The following TPST2 variants were observed in gnomAD, a reference collection of about 807,000 sequenced individuals.
The protein encoded by TPST2 is protein-tyrosine sulfotransferase 2.
Under a neutral mutation model 27.8 loss-of-function variants are expected in TPST2, and 16 were observed. That is an observed-to-expected ratio of 0.58 (90% CI 0.39 to 0.88). The LOEUF is 0.88. TPST2 is among the 40% of genes least tolerant of loss of function. The pLI is 0.00. For synonymous variants in TPST2, 229 were observed against 231.7 expected (o/e 0.99, Z 0.10); for missense variants, 464 against 543.1 (o/e 0.85, Z 1.45).
rs771964247 is a variant in TPST2, at chr22:26,535,183, G to A, written c.1041+1105C>T. The stretch of plus-strand genomic sequence containing the variant: ...TTCTTGAGCCAACTGAAGAGTTACG[G>A]AACTAAGAGACGATTAACTTTTTTC... On this transcript the variant is annotated intron_variant, in intron 4 of 6. Coordinates refer to ENST00000338754, the MANE Select transcript of TPST2 (RefSeq NM_003595.5). 2.6e-5 allele frequency among the ~76,000 whole-genome samples: 4 copies of A among 152,324 alleles called. No homozygotes were observed. In the South Asian group the frequency reaches 8.3e-4, roughly 32 times the overall value.
In TPST2 at chr22:26,526,109, G is replaced by A. The variant is rs1338034296; in HGVS notation, c.*166C>T. The A allele has an allele frequency of 6.6e-6, 1 of 152,206 alleles. No homozygotes were observed. The highest frequency in any genetic ancestry group is 1.5e-5 in the Non-Finnish European group (1 of 68,044). 9.4% of individuals were successfully genotyped at this position (152,206 alleles called of 1,614,324 possible). A position where few individuals can be genotyped will look rare whatever the true frequency, so the allele number is the denominator to read the frequency against. Reference sequence around the variant, plus strand: ...CCAGAGATAGAGAGTTTCAAGGTACGTTTTCAATGATTCAGCTTTTGCAAA... The same window carrying A: ...CCAGAGATAGAGAGTTTCAAGGTACATTTTCAATGATTCAGCTTTTGCAAA... On this transcript the variant is annotated 3_prime_UTR_variant, in exon 7 of 7. Coordinates refer to ENST00000338754, the MANE Select transcript of TPST2 (RefSeq NM_003595.5).
chr22:26,578,279 C>T (rs1157148035), intron 1 of TPST2, among the ~76,000 whole-genome samples: 2 of 152,138 alleles, frequency 1.3e-5, no homozygotes, highest in African/African-American at 4.8e-5. Context: ...CAGGTTTTAG[C>T]GCCCGTGTGC....
intron 5 of TPST2, among the ~76,000 whole-genome samples, chr22:26,529,708 T>C (rs1056230342): frequency 6.6e-6 from 1 of 152,204 alleles, no homozygotes; most frequent in Non-Finnish European, 1.5e-5. Context: ...CTTCTTGCAT[T>C]TGACTGTACC....
At chr22:26,587,850 T>C (rs1602312356) in intron 1 of TPST2, among the ~76,000 whole-genome samples, 1 of 152,070 alleles carries the variant, frequency 6.6e-6, no homozygotes, top group Admixed American at 6.5e-5. Context: ...CCCAGCACTT[T>C]GGGAGCCTGA....
At chr22:26,531,459 A>G (rs1227076840) in intron 5 of TPST2, among the ~76,000 whole-genome samples, 2 of 152,258 alleles carry the variant, frequency 1.3e-5, no homozygotes, top group Non-Finnish European at 2.9e-5. Flanking sequence ...AAAGAAAAAT[A>G]TAATTGCAAC....
chr22:26,544,121 G>A (rs747136899), intron 2 of TPST2, among the ~76,000 whole-genome samples: 13 of 152,190 alleles, frequency 8.5e-5, no homozygotes, highest in Non-Finnish European at 1.8e-4. Context: ...TGGTGATCTG[G>A]ACAAAAGGTA....
chr22:26,522,028 T>C lies in TPST2; in HGVS notation c.*4247A>G, dbSNP rs927824543. 6.6e-6 allele frequency: 1 copy of C among 152,154 alleles called. No individual in the cohort carries two copies. The highest frequency in any genetic ancestry group is 1.5e-5 in the Non-Finnish European group (1 of 68,024). 9.4% of individuals were successfully genotyped at this position (152,154 alleles called of 1,614,324 possible). On this transcript the variant is annotated 3_prime_UTR_variant, in exon 7 of 7. Coordinates refer to ENST00000338754, the MANE Select transcript of TPST2 (RefSeq NM_003595.5). Reference sequence around the variant, plus strand: ...ATCACAACCTTTTATTTCACAATATTAATAGTAATCATTATAGCTACCATG... The same window carrying C: ...ATCACAACCTTTTATTTCACAATATCAATAGTAATCATTATAGCTACCATG...
intron 1 of TPST2, among the ~76,000 whole-genome samples, chr22:26,569,450 A>G (rs1202059912): frequency 6.6e-6 from 1 of 152,200 alleles, no homozygotes; most frequent in Non-Finnish European, 1.5e-5. Context: ...CGTATGAAAT[A>G]TGCATTTTTC....
At chr22:26,548,684 T>C (rs1261737272) in intron 1 of TPST2, among the ~76,000 whole-genome samples, 1 of 151,326 alleles carries the variant, frequency 6.6e-6, no homozygotes, top group Non-Finnish European at 1.5e-5. Flanking sequence ...AAATTCAAGC[T>C]AGGTGTGGTA....
At chr22:26,584,842 G>A (rs1257292194) in intron 1 of TPST2, among the ~76,000 whole-genome samples, 5 of 152,202 alleles carry the variant, frequency 3.3e-5, no homozygotes, top group African/African-American at 2.4e-5. Context: ...CACATACAGT[G>A]CCTAGAACAG....
rs369043628 is a variant in TPST2 at position 26,541,082 on chromosome 22, C to A, written c.549G>T (p.Arg183=). Residue 183 remains arginine (R), a synonymous_variant, in exon 3 of 7, where the codon CGG becomes CGT. Coordinates refer to ENST00000338754, the MANE Select transcript of TPST2 (RefSeq NM_003595.5). The surrounding 1 kb of genome is among the most constrained non-coding windows in gnomAD (Gnocchi z 5.9). ...FPNSKFLLMV[R]DGRASVHSMI... ...TGGAGTGCACGGAGGCCCGGCCGTC[C>A]CGCACCATCAGCAGGAACTTGGAGT... The A allele has an allele frequency of 4.4e-6, 7 of 1,608,572 alleles. No individual in the cohort carries two copies. In the East Asian group the frequency reaches 1.6e-4, roughly 36 times the overall value.
chr22:26,540,097 A>G (rs1925711848), intron 3 of TPST2, among the ~76,000 whole-genome samples: 1 of 152,216 alleles, frequency 6.6e-6, no homozygotes, highest in Non-Finnish European at 1.5e-5. Flanking sequence ...TTATTAACCT[A>G]TTTGATGCCC....
chr22:26,576,921 C>A (rs955886948), intron 1 of TPST2, among the ~76,000 whole-genome samples: 2 of 151,416 alleles, frequency 1.3e-5, no homozygotes, highest in African/African-American at 2.4e-5. Context: ...ACAGTGAAAC[C>A]CCGTCTCTAC....
intron 1 of TPST2, among the ~76,000 whole-genome samples, chr22:26,569,949 C>G (rs1279277952): frequency 2.4e-5 from 1 of 41,258 alleles, no homozygotes; most frequent in Admixed American, 3.3e-4. Flanking sequence ...AAGACTCTGT[C>G]AAAAAAAAAA....
intron 1 of TPST2, among the ~76,000 whole-genome samples, chr22:26,575,123 C>G (rs943429502): frequency 1.3e-5 from 2 of 152,072 alleles, no homozygotes; most frequent in Admixed American, 1.3e-4. Flanking sequence ...CTTCCCCAGA[C>G]AAGTGGTTCA....
intron 1 of TPST2, among the ~76,000 whole-genome samples, chr22:26,581,210 T>C (rs573798960): frequency 5.5e-4 from 84 of 152,298 alleles, no homozygotes; most frequent in Non-Finnish European, 9.4e-4. Flanking sequence ...TGGCATCATT[T>C]GCACCCCTTC....
intron 1 of TPST2, among the ~76,000 whole-genome samples, chr22:26,585,964 A>T (rs1602310846): frequency 6.6e-6 from 1 of 152,034 alleles, no homozygotes; most frequent in South Asian, 2.1e-4. Context: ...AATGGCGTGA[A>T]CCCGGGAGGT....
At chr22:26,544,457 C>A in intron 2 of TPST2, 147 bp downstream of exon 2, 1 of 209,466 alleles carries the variant, frequency 4.8e-6, no homozygotes, top group Non-Finnish European at 8.3e-6. Flanking sequence ...GATTTCCAAC[C>A]TGCTGGCTGA....
At chr22:26,551,129 AC>A (rs2065963359) in intron 1 of TPST2, among the ~76,000 whole-genome samples, 1 of 146,066 alleles carries the variant, frequency 6.8e-6, no homozygotes, top group South Asian at 2.1e-4. Flanking sequence ...CCCTCTCTTT[AC>A]AAAAATTAGC....
Sources: gnomAD v4.1 joint callset for allele counts (sites outside exome capture counted in the v4.1 genomes callset) on GRCh38, gnomAD v4.1.1 for gene constraint, Gnocchi (gnomAD v3.1) non-coding constraint, MANE v1.5 for transcripts, NCBI Gene and HGNC (gene_info 2026-07-23, HGNC 2026-07-21) for gene names.